The following DDX18 variants were observed in gnomAD, a reference collection of about 807,000 sequenced individuals.
DDX18 encodes the protein DEAD-box helicase 18.
DDX18 carries 23 observed loss-of-function variants against 73.5 expected under a neutral mutation model. The ratio of observed to expected loss-of-function variants is 0.31; its 90% CI spans 0.23 to 0.44. DDX18 has a LOEUF of 0.44. DDX18 is among the 20% of genes least tolerant of loss of function. The probability of loss-of-function intolerance (pLI) is 1.00; values close to 1 mark genes in which losing one functional copy is unlikely to be tolerated. For missense variants in DDX18, 753 were observed against 792.9 expected, an observed-to-expected ratio of 0.95 and a Z score of 0.60; for synonymous variants, 268 against 282.7, an observed-to-expected ratio of 0.95 and a Z score of 0.52.
At chr2:117,821,480 G>A (rs982648090) in intron 4 of DDX18, among the ~76,000 whole-genome samples, 170 bp from the exon 5 acceptor site, 4 of 152,188 alleles carry the variant, frequency 2.6e-5, no homozygotes, top group Admixed American at 2.0e-4. Context: ...TTCTGCTTCT[G>A]TTGTAGCACA....
At chr2:117,820,962 T>C (rs1679837077) in intron 3 of DDX18, among the ~76,000 whole-genome samples, 199 bp from the exon 4 acceptor site, 1 of 152,206 alleles carries the variant, frequency 6.6e-6, no homozygotes, top group South Asian at 2.1e-4. Flanking sequence ...CTCTGGACTA[T>C]AACTCACACA....
intron 11 of DDX18, chr2:117,826,613 C>T (rs1210629360): frequency 1.5e-5 from 8 of 544,254 alleles, no homozygotes; most frequent in Non-Finnish European, 2.6e-5. Context: ...CTCTGTGTCC[C>T]AGCCTCTCCT....
Position 117,819,794 on chromosome 2 carries a change from TA to T in DDX18, c.514+4del. 6.4e-7 allele frequency: 1 copy of T among 1,570,274 alleles called. No individual in the cohort carries two copies. The highest frequency in any genetic ancestry group is 1.4e-5 in the African/African-American group (1 of 72,192). On this transcript the variant is annotated splice_donor_region_variant and intron_variant, in intron 3 of 13. Transcript: ENST00000263239. ...CCAGTCTGCCCCTGGGACTGACAGG[TA>T]ACGTCCAGGAAGTTTTCTAGAGGTA...
chr2:117,826,253 TC>T lies in DDX18; in HGVS notation c.1522-15del, dbSNP rs748376930. Reference sequence around the variant, plus strand: ...GAAGTCACTGCGTTAACTCAGATTTTCTTTCTCCACCAAAGGAATATATTCA... The same window carrying T: ...GAAGTCACTGCGTTAACTCAGATTTTTTTCTCCACCAAAGGAATATATTCA... On this transcript the variant is annotated splice_polypyrimidine_tract_variant and intron_variant, in intron 10 of 13. Coordinates refer to ENST00000263239, the MANE Select transcript of DDX18 (RefSeq NM_006773.4). 1.2e-6 allele frequency: 2 copies of T among 1,609,284 alleles called. No homozygotes were observed. The highest frequency in any genetic ancestry group is 3.3e-5 in the Admixed American group (2 of 59,830).
intron 7 of DDX18, 99 bp from the exon 8 acceptor site, chr2:117,824,470 T>A: frequency 9.1e-7 from 1 of 1,103,044 alleles, no homozygotes; most frequent in Non-Finnish European, 1.2e-6. Flanking sequence ...ACATCATATC[T>A]CCCATTTCTG....
chr2:117,821,115 T>A lies in DDX18; in HGVS notation c.515-46T>A, dbSNP rs754057439. On this transcript the variant is annotated intron_variant, in intron 3 of 13. Transcript: ENST00000263239. ...TTAGGCAACTGTAGCAATACTTTTT[T>A]AAAAAAAAAGATAAATTTGCTAATG... is the stretch of plus-strand genomic sequence containing the variant. The A allele has an allele frequency of 2.8e-5, 40 of 1,448,634 alleles. No homozygotes were observed. In the African/African-American group the frequency reaches 4.5e-4, roughly 16 times the overall value. 89.7% of individuals were successfully genotyped at this position (1,448,634 alleles called of 1,614,324 possible).
intron 1 of DDX18, 151 bp downstream of exon 1, chr2:117,815,013 G>A: frequency 1.4e-6 from 1 of 723,982 alleles, no homozygotes; most frequent in Non-Finnish European, 2.3e-6. Context: ...CTTCCACTCG[G>A]GACCCGCGCT....
intron 1 of DDX18, among the ~76,000 whole-genome samples, chr2:117,816,786 CAT>C (rs1373508662): frequency 6.6e-6 from 1 of 152,218 alleles, no homozygotes; most frequent in Non-Finnish European, 1.5e-5. Context: ...TCACTACAAA[CAT>C]GAGTAATATG....
At chr2:117,824,901 C>T (rs777543222) in intron 8 of DDX18, 39 bp from the exon 9 acceptor site, 2 of 1,561,612 alleles carry the variant, frequency 1.3e-6, no homozygotes, top group East Asian at 2.3e-5. Flanking sequence ...AAAATGTCCA[C>T]TTGGTTCATT....
chr2:117,820,828 T>C (rs1383209361), intron 3 of DDX18, among the ~76,000 whole-genome samples: 1 of 152,166 alleles, frequency 6.6e-6, no homozygotes, highest in Non-Finnish European at 1.5e-5. Context: ...CACTTTTATA[T>C]CAGATTTCTT....
At position 117,830,702 on chromosome 2, in the gene DDX18, A is replaced by T; in HGVS notation, c.1991A>T (p.Asp664Val). 7 of 1,613,628 alleles carry T rather than the reference A, an allele frequency of 4.3e-6. No individual in the cohort carries two copies. The highest frequency in any genetic ancestry group is 5.9e-6 in the Non-Finnish European group (7 of 1,179,740). Reference protein sequence around the residue: ...IFKHISKKSSDSRQFSH With the variant: ...IFKHISKKSSVSRQFSH ...AAACACATTAGCAAGAAATCATCTG[A>T]CAGCAGGCAGTTCTCTCACTGAACA... Residue 664 changes from aspartate (D) to valine (V), a missense_variant, in exon 14 of 14, where the codon GAC (aspartate) becomes GTC (valine). By Grantham distance (152) the Asp-to-Val change is radical (BLOSUM62 -3). This residue lies in a region of DDX18 where 402 missense variants were observed against 419.4 expected (regional missense o/e 0.96). Coordinates refer to ENST00000263239, the MANE Select transcript of DDX18 (RefSeq NM_006773.4).
At chr2:117,817,776 C>A (rs781708342) in intron 2 of DDX18, 48 bp downstream of exon 2, 1 of 1,534,496 alleles carries the variant, frequency 6.5e-7, no homozygotes, top group Non-Finnish European at 8.8e-7. Context: ...TTTTCACAGA[C>A]GGTTATTGTT....
chr2:117,815,124 A>G, intron 1 of DDX18: 2 of 521,346 alleles, frequency 3.8e-6, no homozygotes, highest in South Asian at 2.3e-5. Context: ...GTTCACTTCT[A>G]GGCTTACGAC....
intron 10 of DDX18, chr2:117,825,814 T>C (rs1679917146): frequency 4.0e-6 from 2 of 505,276 alleles, no homozygotes; most frequent in Admixed American, 7.0e-5. Context: ...GGGACTTAAG[T>C]TATGAAAATG....
Position 117,821,701 on chromosome 2 carries a change from C to T in DDX18, c.702C>T (p.Leu234=), listed in dbSNP as rs531888925. ...GCAGTGGTAAAACCCTGGCTTTTCT[C>T]ATCCCTGCAGTTGAACTCATTGTTA... ...KTGSGKTLAF[L]IPAVELIVKL... The change falls in exon 5 of 14, where the codon CTC becomes CTT. Residue 234 remains leucine, a synonymous_variant. Coordinates refer to ENST00000263239, the MANE Select transcript of DDX18 (RefSeq NM_006773.4). The T allele has an allele frequency of 2.5e-6, 4 of 1,614,036 alleles. No individual in the cohort carries two copies. In the African/African-American group the frequency reaches 4.0e-5, roughly 16 times the overall value.
intron 5 of DDX18, 40 bp downstream of exon 5, chr2:117,821,790 G>C (rs1305791821): frequency 3.1e-6 from 5 of 1,613,278 alleles, no homozygotes; most frequent in African/African-American, 1.3e-5. Flanking sequence ...TATTTCACTA[G>C]AGGTTTATTG....
At chr2:117,819,542 C>G (rs1015683763) in intron 2 of DDX18, 107 bp from the exon 3 acceptor site, 7 of 1,108,112 alleles carry the variant, frequency 6.3e-6, no homozygotes, top group Non-Finnish European at 8.7e-6. Flanking sequence ...ATATACTTAG[C>G]TTTTGAAAAT....
intron 10 of DDX18, 195 bp from the exon 11 acceptor site, chr2:117,826,074 A>G (rs547031632): frequency 5.2e-4 from 73 of 141,538 alleles, no homozygotes; most frequent in Admixed American, 1.4e-3. Flanking sequence ...GGCCTCAATC[A>G]TTGGCCTATT....
intron 2 of DDX18, among the ~76,000 whole-genome samples, chr2:117,818,444 A>G (rs1327591944): frequency 1.3e-5 from 2 of 152,212 alleles, no homozygotes; most frequent in Non-Finnish European, 2.9e-5. Flanking sequence ...GAGTTGGAAC[A>G]TCCTATTCAT....
Sources: allele counts gnomAD v4.1 joint callset (sites outside exome capture counted in the v4.1 genomes callset), GRCh38; gene constraint gnomAD v4.1.1; regional missense constraint gnomAD v4.1.1; transcripts MANE v1.5; gene names NCBI Gene and HGNC (gene_info 2026-07-23, HGNC 2026-07-21).